Variants in LRP1B observed in about 807,000 individuals in gnomAD.
LRP1B encodes the protein low-density lipoprotein receptor-related protein 1B.
A neutral mutation model predicts 556.6 loss-of-function variants in LRP1B; 217 were observed. The ratio of observed to expected loss-of-function variants is 0.39; its 90% CI spans 0.35 to 0.44. The LOEUF (loss-of-function observed/expected upper bound fraction) is 0.44. LRP1B is among the 20% of genes least tolerant of loss of function. LRP1B has a pLI of 1.00. For synonymous variants in LRP1B, 2,047 were observed against 1,865.8 expected, an observed-to-expected ratio of 1.10 and a Z score of -2.50; for missense variants, 5,053 against 5,620.8, an observed-to-expected ratio of 0.90 and a Z score of 3.23.
chr2:142,022,652 C>T (rs554364846), intron 1 of LRP1B, among the ~76,000 whole-genome samples: 9 of 151,902 alleles, frequency 5.9e-5, no homozygotes, highest in African/African-American at 2.2e-4. Context: ...ACAAATCTCA[C>T]TGCTTTTATT....
At chr2:141,576,781 TG>T in intron 2 of LRP1B, among the ~76,000 whole-genome samples, 1 of 139,820 alleles carries the variant, frequency 7.2e-6, no homozygotes, top group South Asian at 2.2e-4. Context: ...AGCTTCAGTC[TG>T]ACCCTGAAGC....
chr2:141,075,227 G>GA (rs1387167295), intron 7 of LRP1B, among the ~76,000 whole-genome samples: 1 of 152,142 alleles, frequency 6.6e-6, no homozygotes, highest in African/African-American at 2.4e-5. Context: ...AGTAGAAATG[G>GA]AAAAGAGAAG....
intron 43 of LRP1B, among the ~76,000 whole-genome samples, chr2:140,573,244 C>A (rs1052295686): frequency 2.0e-5 from 3 of 151,532 alleles, no homozygotes; most frequent in Non-Finnish European, 4.4e-5. Flanking sequence ...ACACTGTATA[C>A]CATAAATATG....
chr2:140,259,718 T>G (rs12616889), intron 86 of LRP1B, among the ~76,000 whole-genome samples: 50,314 of 151,742 alleles, frequency 0.33, 8,863 homozygotes, highest in African/African-American at 0.44. Context: ...TAACCTCTTA[T>G]TTGAAGAAAT....
chr2:141,842,365 T>A (rs555303738), intron 1 of LRP1B, among the ~76,000 whole-genome samples: 1 of 152,162 alleles, frequency 6.6e-6, no homozygotes, highest in South Asian at 2.1e-4. Context: ...TCTTAGTCAG[T>A]GTTTTGCTAG....
intron 2 of LRP1B, among the ~76,000 whole-genome samples, chr2:141,642,858 CTT>C (rs1019996340): frequency 4.6e-5 from 7 of 152,194 alleles, no homozygotes; most frequent in Admixed American, 1.3e-4. Context: ...TGTAGCGAGT[CTT>C]TTTTACCTAA....
intron 1 of LRP1B, among the ~76,000 whole-genome samples, chr2:141,923,207 T>C (rs946571644): frequency 6.6e-6 from 1 of 151,494 alleles, no homozygotes; most frequent in Non-Finnish European, 1.5e-5. Flanking sequence ...ACAATGAAAA[T>C]AGCAGGTGAA....
chr2:141,921,846 A>G (rs1700194233), intron 1 of LRP1B, among the ~76,000 whole-genome samples: 1 of 152,096 alleles, frequency 6.6e-6, no homozygotes, highest in African/African-American at 2.4e-5. Flanking sequence ...AAACCTAGTA[A>G]TTACAGGAAA....
intron 2 of LRP1B, among the ~76,000 whole-genome samples, chr2:141,755,474 T>C (rs918431211): frequency 6.6e-6 from 1 of 152,000 alleles, no homozygotes; most frequent in Admixed American, 6.6e-5. Flanking sequence ...AGTTCAAATA[T>C]CATAATGGCA....
chr2:141,561,256 T>A (rs1291703014), intron 2 of LRP1B, among the ~76,000 whole-genome samples: 1 of 151,818 alleles, frequency 6.6e-6, no homozygotes, highest in Non-Finnish European at 1.5e-5. Flanking sequence ...TGAAACTCCA[T>A]ATAAAATAAA....
At chr2:140,735,472 G>C (rs967067701) in intron 35 of LRP1B, among the ~76,000 whole-genome samples, 1 of 152,100 alleles carries the variant, frequency 6.6e-6, no homozygotes, top group South Asian at 2.1e-4. Context: ...GCAAACAGAC[G>C]CTCTAATTGA....
chr2:140,834,426 G>T (rs1691828404), intron 31 of LRP1B, among the ~76,000 whole-genome samples: 1 of 152,128 alleles, frequency 6.6e-6, no homozygotes, highest in Admixed American at 6.6e-5. Flanking sequence ...TTTCAGTAGA[G>T]ACGAGGTTTC....
chr2:141,571,885 A>T (rs964329007), intron 2 of LRP1B, among the ~76,000 whole-genome samples: 1 of 152,216 alleles, frequency 6.6e-6, no homozygotes, highest in African/African-American at 2.4e-5. Flanking sequence ...AAGGGAAAAA[A>T]GAATGACAAG....
intron 7 of LRP1B, among the ~76,000 whole-genome samples, chr2:141,100,747 T>TA (rs1700440223): frequency 6.6e-6 from 1 of 152,080 alleles, no homozygotes; most frequent in Non-Finnish European, 1.5e-5. Context: ...GAAAGATTCT[T>TA]ACGGAGCTGG....
Position 140,345,863 on chromosome 2 carries a change from T to C in LRP1B, c.11892+4934A>G, listed in dbSNP as rs184625858. 7.4e-3 allele frequency among the ~76,000 whole-genome samples: 1,036 copies of C among 140,178 alleles called. 19 individuals are homozygous for C. Among genetic ancestry groups the C allele is most frequent in the African/African-American group, 0.024 (936 of 38,438 alleles). The allele number at this position is 140,178 out of a possible 152,430, so 92.0% of individuals were successfully genotyped here. A position where few individuals can be genotyped will look rare whatever the true frequency, so the allele number is the denominator to read the frequency against. On this transcript the variant is annotated intron_variant, in intron 77 of 90. Coordinates refer to ENST00000389484, the MANE Select transcript of LRP1B (RefSeq NM_018557.3). The stretch of plus-strand genomic sequence containing the variant: ...ACACATACACACACACACACACACA[T>C]ATATATATATATATAAAAAAAATAG...
chr2:140,594,883 T>A (rs1682368680), intron 43 of LRP1B, among the ~76,000 whole-genome samples: 1 of 151,900 alleles, frequency 6.6e-6, no homozygotes, highest in South Asian at 2.1e-4. Flanking sequence ...TCTTCTTATA[T>A]TTCATGGTGA....
Position 140,450,623 on chromosome 2 carries a change from C to A in LRP1B, c.10002G>T (p.Trp3334Cys). Residue 3334 changes from tryptophan to cysteine, a missense_variant, in exon 63 of 91, where the codon TGG becomes TGT. Trp to Cys is a radical substitution (Grantham distance 215). Around this residue, in one of 5 missense-constraint regions of LRP1B, gnomAD observed 262 missense variants for 395.1 expected, o/e 0.66. Coordinates refer to ENST00000389484, the MANE Select transcript of LRP1B (RefSeq NM_018557.3). ...CKTDKCIPFW[W>C]KCDTVDDCGD... ...CACAGTCATCCACGGTGTCACATTT[C>A]CACCAGAATGGAATACATTTGTCAG... The A allele has an allele frequency of 6.2e-7, 1 of 1,612,938 alleles. No individual in the cohort carries two copies.
chr2:141,284,711 T>C lies in LRP1B; in HGVS notation c.344-30070A>G, dbSNP rs77924402. Among the ~76,000 whole-genome samples the C allele has an allele frequency of 2.8e-3, 434 of 152,318 alleles. 2 individuals carry two copies. The highest frequency in any genetic ancestry group is 9.9e-3 in the African/African-American group (412 of 41,570). ...GAGATATTCAGTTATTATGTCAACA[T>C]TTGTGAAAAGACTTTTTTCCACCTT... On this transcript the variant is annotated intron_variant, in intron 3 of 90. Transcript: ENST00000389484.
chr2:140,389,269 G>A (rs1259928777), intron 66 of LRP1B, among the ~76,000 whole-genome samples: 1 of 151,900 alleles, frequency 6.6e-6, no homozygotes, highest in Non-Finnish European at 1.5e-5. Flanking sequence ...TATTATTGGT[G>A]TTTGTATATG....
Sources: gnomAD v4.1 joint callset for allele counts (sites outside exome capture counted in the v4.1 genomes callset) on GRCh38, gnomAD v4.1.1 for gene constraint, gnomAD v4.1.1 regional missense constraint, MANE v1.5 for transcripts, NCBI Gene and HGNC (gene_info 2026-07-23, HGNC 2026-07-21) for gene names.